The following BTBD2 variants were observed in gnomAD, a reference collection of about 807,000 sequenced individuals.
BTBD2 encodes the protein BTB domain containing 2, also known as BTB/POZ domain-containing protein 2.
Under a neutral mutation model 44.0 loss-of-function variants are expected in BTBD2, and 15 were observed. The ratio of observed to expected loss-of-function variants is 0.34; its 90% CI spans 0.23 to 0.53. The LOEUF (loss-of-function observed/expected upper bound fraction) is 0.53. BTBD2 is among the 20% of genes least tolerant of loss of function. The pLI is 0.95. For synonymous variants in BTBD2, 443 were observed against 335.9 expected, an observed-to-expected ratio of 1.32 and a Z score of -3.49; for missense variants, 657 against 746.4, an observed-to-expected ratio of 0.88 and a Z score of 1.39.
At position 1,986,951 on chromosome 19, in the gene BTBD2, A is replaced by G. The variant is rs1017126915; in HGVS notation, c.1295T>C (p.Val432Ala). The change falls in exon 8 of 9, where the codon GTC becomes GCC. Residue 432 changes from valine (V) to alanine (A), a missense_variant. Coordinates refer to ENST00000255608, the MANE Select transcript of BTBD2 (RefSeq NM_017797.4). ...GAAGCCCGTGTCGTTCTGGCCCAAG[A>G]CGGTGTTGCTATCGGTGTGAATAAT... Reference protein sequence around the residue: ...IQIIHTDSNTVLGQNDTGFSC... With the variant: ...IQIIHTDSNTALGQNDTGFSC... 6.2e-7 allele frequency: 1 copy of G among 1,613,062 alleles called. No homozygotes were observed. Among genetic ancestry groups the G allele is most frequent in the Middle Eastern group, 1.7e-4 (1 of 6,056 alleles).
intron 5 of BTBD2, 190 bp from the exon 6 acceptor site, chr19:1,987,882 C>G (rs1891441447): frequency 1.6e-6 from 1 of 606,540 alleles, no homozygotes; most frequent in African/African-American, 1.9e-5. Flanking sequence ...GGAGAGGTCC[C>G]AGGGCACAGA....
intron 1 of BTBD2, among the ~76,000 whole-genome samples, chr19:2,000,123 C>A (rs1475307128): frequency 6.6e-6 from 1 of 152,176 alleles, no homozygotes; most frequent in Non-Finnish European, 1.5e-5. Flanking sequence ...AGAGGGAGCG[C>A]CGCCCTCGGA....
chr19:1,997,592 GC>G, intron 1 of BTBD2, 129 bp from the exon 2 acceptor site: 4 of 1,363,324 alleles, frequency 2.9e-6, no homozygotes, highest in Non-Finnish European at 3.0e-6. Flanking sequence ...CATGTACCAG[GC>G]CCCCCGATGG....
chr19:1,986,339 C>T lies in BTBD2; in HGVS notation c.*149G>A. The T allele has an allele frequency of 9.7e-7, 1 of 1,029,810 alleles. No homozygotes were observed. The highest frequency in any genetic ancestry group is 1.4e-6 in the Non-Finnish European group (1 of 696,258). 63.8% of individuals were successfully genotyped at this position (1,029,810 alleles called of 1,614,324 possible). A position where few individuals can be genotyped will look rare whatever the true frequency, so the allele number is the denominator to read the frequency against. Reference sequence around the variant, plus strand: ...CGTGGTGAACACAGGGCAACCCCGTCCTGATGCTGAGAAAGGTGGCATGGA... The same window carrying T: ...CGTGGTGAACACAGGGCAACCCCGTTCTGATGCTGAGAAAGGTGGCATGGA... On this transcript the variant is annotated 3_prime_UTR_variant, in exon 9 of 9. Transcript: ENST00000255608.
intron 1 of BTBD2, among the ~76,000 whole-genome samples, chr19:2,007,762 G>A (rs2016413038): frequency 6.6e-6 from 1 of 152,158 alleles, no homozygotes; most frequent in Non-Finnish European, 1.5e-5. Flanking sequence ...AGGAGGCAGA[G>A]CTTTGCAGCG....
chr19:2,003,786 A>AG (rs1491087154), intron 1 of BTBD2, among the ~76,000 whole-genome samples: 5 of 149,210 alleles, frequency 3.4e-5, no homozygotes, highest in African/African-American at 7.5e-5. Flanking sequence ...AAAAAAAAAA[A>AG]AGAGAAAGAA....
At chr19:1,997,591 G>A (rs1186238325) in intron 1 of BTBD2, 128 bp from the exon 2 acceptor site, 7 of 1,387,888 alleles carry the variant, frequency 5.0e-6, no homozygotes, top group Admixed American at 2.1e-5. Flanking sequence ...GCATGTACCA[G>A]GCCCCCCGAT....
At chr19:2,006,673 C>G (rs2016398765) in intron 1 of BTBD2, among the ~76,000 whole-genome samples, 1 of 152,012 alleles carries the variant, frequency 6.6e-6, no homozygotes, top group Admixed American at 6.6e-5. Context: ...TGGCCCACCA[C>G]TTGTTTTTGT....
At chr19:1,992,851 C>T (rs2016198061) in intron 3 of BTBD2, among the ~76,000 whole-genome samples, 169 bp downstream of exon 3, 1 of 152,154 alleles carries the variant, frequency 6.6e-6, no homozygotes, top group Non-Finnish European at 1.5e-5. Flanking sequence ...GGATTACAGG[C>T]GTGAGCAACC....
intron 1 of BTBD2, among the ~76,000 whole-genome samples, chr19:2,000,188 T>C (rs1214873695): frequency 3.3e-5 from 5 of 151,912 alleles, no homozygotes; most frequent in East Asian, 1.9e-4. Context: ...ACCCACTGAG[T>C]TTGACCCCCC....
intron 1 of BTBD2, among the ~76,000 whole-genome samples, chr19:2,000,878 G>A (rs920057932): frequency 3.9e-5 from 6 of 152,178 alleles, no homozygotes; most frequent in East Asian, 3.9e-4. Flanking sequence ...TGCAGGACCC[G>A]GTGCAGATGC....
At chr19:2,004,815 C>T (rs2016374176) in intron 1 of BTBD2, among the ~76,000 whole-genome samples, 1 of 147,064 alleles carries the variant, frequency 6.8e-6, no homozygotes, top group South Asian at 2.2e-4. Context: ...CCCATCTCTA[C>T]AAAAAAAAAA....
At position 1,987,288 on chromosome 19, in the gene BTBD2, C is replaced by A. The variant is rs201150499; in HGVS notation, c.1182-35G>T. The A allele has an allele frequency of 4.1e-4, 664 of 1,603,982 alleles. 4 individuals carry two copies. In the African/African-American group the frequency reaches 7.5e-3, roughly 18 times the overall value. The stretch of plus-strand genomic sequence containing the variant: ...CAGATGACAGGCAGCAGCGTGGATA[C>A]CCAGGGATAGCCTAAGGTGAGCTGG... On this transcript the variant is annotated intron_variant, in intron 6 of 8. Transcript: ENST00000255608.
chr19:1,993,014 G>A lies in BTBD2; in HGVS notation c.684+6C>T, dbSNP rs200824899. 4.4e-4 allele frequency: 521 copies of A among 1,191,994 alleles called. No homozygotes were observed. In the African/African-American group the frequency reaches 9.2e-3, roughly 21 times the overall value. 73.8% of individuals were successfully genotyped at this position (1,191,994 alleles called of 1,614,324 possible). On this transcript the variant is annotated splice_donor_region_variant and intron_variant, in intron 3 of 8. Coordinates refer to ENST00000255608, the MANE Select transcript of BTBD2 (RefSeq NM_017797.4). ...CCCGCCCCCGCCTCGTACCGGCCCC[G>A]CCCACCTGCGTGAGCAGCATGAAGG...
chr19:2,005,471 T>A (rs1346830994), intron 1 of BTBD2, among the ~76,000 whole-genome samples: 1 of 151,982 alleles, frequency 6.6e-6, no homozygotes, highest in Non-Finnish European at 1.5e-5. Flanking sequence ...TGCACCACCA[T>A]GCCTGGCTAA....
chr19:2,015,493 C>T lies in BTBD2; in HGVS notation c.211G>A (p.Ala71Thr). The T allele has an allele frequency of 6.0e-6, 7 of 1,162,784 alleles. No individual in the cohort carries two copies. The highest frequency in any genetic ancestry group is 7.4e-6 in the Non-Finnish European group (7 of 947,146). 72.0% of individuals were successfully genotyped at this position (1,162,784 alleles called of 1,614,324 possible). A position where few individuals can be genotyped will look rare whatever the true frequency, so the allele number is the denominator to read the frequency against. The change falls in exon 1 of 9, where the codon GCC becomes ACC. Residue 71 changes from alanine (A) to threonine (T), a missense_variant. By Grantham distance (58) the Ala-to-Thr change is moderately conservative. Transcript: ENST00000255608. ...TCCTCCGCCCGCTCCGCGCCCGCGG[C>T]CTGCGCGTCTGTCCCGGGGCCCGGC... ...APPGPGTDAQAAGAERAEEAA... is the reference protein window; with the variant it reads ...APPGPGTDAQTAGAERAEEAA...
At chr19:2,013,854 G>A in intron 1 of BTBD2, 1 of 171,746 alleles carries the variant, frequency 5.8e-6, no homozygotes, top group Non-Finnish European at 1.2e-5. Flanking sequence ...TTGGCGCACA[G>A]GGGTGCGGGT....
intron 1 of BTBD2, chr19:2,002,589 T>G (rs1168523107): frequency 6.6e-6 from 1 of 152,246 alleles, no homozygotes; most frequent in Admixed American, 6.6e-5. Flanking sequence ...AATTGTAGGA[T>G]GCCGCCGGGC....
At chr19:1,997,276 G>C in intron 2 of BTBD2, 68 bp downstream of exon 2, 1 of 1,603,808 alleles carries the variant, frequency 6.2e-7, no homozygotes, top group Non-Finnish European at 8.5e-7. Context: ...TGTCAGACAG[G>C]GTCTACGTTC....
Sources: gnomAD v4.1 joint callset for allele counts (sites outside exome capture counted in the v4.1 genomes callset) on GRCh38, gnomAD v4.1.1 for gene constraint, MANE v1.5 for transcripts, NCBI Gene and HGNC (gene_info 2026-07-23, HGNC 2026-07-21) for gene names.